The following NOS1AP variants were observed in gnomAD, a reference collection of about 807,000 sequenced individuals.
NOS1AP encodes carboxyl-terminal PDZ ligand of neuronal nitric oxide synthase protein.
A neutral mutation model predicts 56.2 loss-of-function variants in NOS1AP; 21 were observed. That is an observed-to-expected ratio of 0.37 (90% confidence interval 0.26 to 0.54). The LOEUF (loss-of-function observed/expected upper bound fraction) is 0.54, where lower values mean the gene tolerates loss of function less well. Ranked by LOEUF, NOS1AP falls within the 20% of genes least tolerant of loss-of-function variation. NOS1AP has a pLI of 0.84. For missense variants in NOS1AP, 522 were observed against 657.8 expected, an observed-to-expected ratio of 0.79 and a Z score of 2.26; for synonymous variants, 270 against 274.6, an observed-to-expected ratio of 0.98 and a Z score of 0.17.
At chr1:162,274,680 A>G (rs577625590) in intron 2 of NOS1AP, among the ~76,000 whole-genome samples, 1 of 152,210 alleles carries the variant, frequency 6.6e-6, no homozygotes, top group Non-Finnish European at 1.5e-5. Context: ...GTGTGTTTCA[A>G]TAGGCCCTGG....
At chr1:162,213,899 C>T (rs1056035997) in intron 2 of NOS1AP, among the ~76,000 whole-genome samples, 3 of 152,234 alleles carry the variant, frequency 2.0e-5, no homozygotes, top group Admixed American at 6.5e-5. Context: ...GAAGGAACCT[C>T]ATCCGCTAGA....
chr1:162,327,784 A>G lies in NOS1AP; in HGVS notation c.345-5233A>G, dbSNP rs568770068. Among the ~76,000 whole-genome samples, 3 of 152,358 alleles carry G rather than the reference A, an allele frequency of 2.0e-5. No individual in the cohort carries two copies. The East Asian group carries it at 5.8e-4, about 29-fold the overall frequency. ...TATCCAAATATACTCTGTGCTGTTC[A>G]GATCCCTCACAAATGAGTTCAGTTC... On this transcript the variant is annotated intron_variant, in intron 4 of 9. Coordinates refer to ENST00000361897, the MANE Select transcript of NOS1AP (RefSeq NM_014697.3).
chr1:162,328,407 T>A (rs1404135907), intron 4 of NOS1AP, among the ~76,000 whole-genome samples: 2 of 152,194 alleles, frequency 1.3e-5, no homozygotes, highest in African/African-American at 4.8e-5. Context: ...TGATATTGTT[T>A]CCATATATTA....
intron 1 of NOS1AP, among the ~76,000 whole-genome samples, chr1:162,073,800 G>T (rs1691712259): frequency 6.6e-6 from 1 of 152,218 alleles, no homozygotes; most frequent in South Asian, 2.1e-4. Context: ...TTCCCTTTGG[G>T]CTGAGAGCTG....
chr1:162,351,484 G>C (rs886283063), intron 6 of NOS1AP, among the ~76,000 whole-genome samples: 7 of 152,124 alleles, frequency 4.6e-5, no homozygotes, highest in Non-Finnish European at 8.8e-5. Context: ...TCACCATTCA[G>C]CAGCCCTGCT....
intron 3 of NOS1AP, 61 bp from the exon 4 acceptor site, chr1:162,300,572 C>T (rs1655616642): frequency 2.1e-6 from 3 of 1,399,458 alleles, no homozygotes; most frequent in African/African-American, 2.8e-5. Context: ...CATAAGTATG[C>T]ATAGCTCAGT....
intron 1 of NOS1AP, among the ~76,000 whole-genome samples, chr1:162,151,143 G>A (rs376035544): frequency 2.0e-5 from 3 of 152,158 alleles, no homozygotes; most frequent in African/African-American, 7.2e-5. Flanking sequence ...TTTGTATATG[G>A]TGAGAGATAG....
chr1:162,313,135 T>C (rs1656102933), intron 4 of NOS1AP, among the ~76,000 whole-genome samples: 1 of 152,186 alleles, frequency 6.6e-6, no homozygotes, highest in African/African-American at 2.4e-5. Context: ...ATTTCATGCC[T>C]CTATGTAGAA....
rs538897311 is a variant in NOS1AP at position 162,252,471 on chromosome 1, G to T, written c.178-34873G>T. On this transcript the variant is annotated intron_variant, in intron 2 of 9. Transcript: ENST00000361897. Reference sequence around the variant, plus strand: ...TCATGGATTGCATGTGCAAATTCAAGGGGAGGTAGTATGAAGCATGCAGTA... The same window carrying T: ...TCATGGATTGCATGTGCAAATTCAATGGGAGGTAGTATGAAGCATGCAGTA... Among the ~76,000 whole-genome samples the T allele has an allele frequency of 7.9e-5, 12 of 152,328 alleles. No individual in the cohort carries two copies. The South Asian group carries it at 2.5e-3, about 32-fold the overall frequency.
At chr1:162,141,769 T>C (rs1197165610) in intron 1 of NOS1AP, among the ~76,000 whole-genome samples, 1 of 152,280 alleles carries the variant, frequency 6.6e-6, no homozygotes, top group African/African-American at 2.4e-5. Context: ...ATCTGAAAAA[T>C]CATTGCAAAA....
intron 2 of NOS1AP, among the ~76,000 whole-genome samples, chr1:162,259,071 C>T (rs1312416776): frequency 6.6e-6 from 1 of 152,226 alleles, no homozygotes; most frequent in East Asian, 1.9e-4. Context: ...CTGCGGCCTC[C>T]AATAAGGTTG....
intron 2 of NOS1AP, among the ~76,000 whole-genome samples, chr1:162,191,287 T>G (rs1226329440): frequency 2.0e-5 from 3 of 152,200 alleles, no homozygotes; most frequent in African/African-American, 7.2e-5. Flanking sequence ...TCTGAGGATC[T>G]TCCTGCCCTG....
At chr1:162,085,570 C>T (rs1353109978) in intron 1 of NOS1AP, among the ~76,000 whole-genome samples, 3 of 152,158 alleles carry the variant, frequency 2.0e-5, no homozygotes, top group Non-Finnish European at 4.4e-5. Context: ...GGGTTTGTTG[C>T]ATTCTCCTTA....
In NOS1AP at chr1:162,075,221, G is replaced by A. The variant is rs1461000147; in HGVS notation, c.105+4939G>A. Among the ~76,000 whole-genome samples, 8 of 152,240 alleles carry A rather than the reference G, an allele frequency of 5.3e-5. No homozygotes were observed. In the South Asian group the frequency reaches 1.0e-3, roughly 20 times the overall value. On this transcript the variant is annotated intron_variant, in intron 1 of 9. Coordinates refer to ENST00000361897, the MANE Select transcript of NOS1AP (RefSeq NM_014697.3). ...TCCCCCTCCCAAGCCTCAACATCAG[G>A]TACAAACATAGTCACAATGAAAAAT...
Position 162,236,841 on chromosome 1 carries a change from C to T in NOS1AP, c.178-50503C>T, listed in dbSNP as rs1278761398. ...CTTCCTGGTCTGCATGCAGGCTGTACTTCCTCACTGACCTGTCTTCACCCT... is the reference window on the plus strand; with the variant it reads ...CTTCCTGGTCTGCATGCAGGCTGTATTTCCTCACTGACCTGTCTTCACCCT... On this transcript the variant is annotated intron_variant, in intron 2 of 9. Coordinates refer to ENST00000361897, the MANE Select transcript of NOS1AP (RefSeq NM_014697.3). Among the ~76,000 whole-genome samples the T allele has an allele frequency of 3.9e-5, 6 of 152,214 alleles. No homozygotes were observed. In the East Asian group the frequency reaches 1.2e-3, roughly 29 times the overall value.
intron 1 of NOS1AP, among the ~76,000 whole-genome samples, chr1:162,082,392 A>G (rs1047879827): frequency 1.3e-5 from 2 of 152,230 alleles, no homozygotes; most frequent in East Asian, 1.9e-4. Context: ...TAATGCTGCA[A>G]TGAACATACA....
At chr1:162,289,930 C>T (rs1655233940) in intron 3 of NOS1AP, among the ~76,000 whole-genome samples, 1 of 152,218 alleles carries the variant, frequency 6.6e-6, no homozygotes, top group Non-Finnish European at 1.5e-5. Context: ...CTCACTGTCT[C>T]TCCCATGTAC....
At chr1:162,100,661 G>T (rs1445842747) in intron 1 of NOS1AP, among the ~76,000 whole-genome samples, 1 of 151,608 alleles carries the variant, frequency 6.6e-6, no homozygotes, top group Non-Finnish European at 1.5e-5. Flanking sequence ...GTCAATTTCG[G>T]CTTTTGTTGC....
chr1:162,137,003 T>C (rs1571050266), intron 1 of NOS1AP, among the ~76,000 whole-genome samples: 1 of 152,322 alleles, frequency 6.6e-6, no homozygotes, highest in Non-Finnish European at 1.5e-5. Context: ...ATGAAGATTC[T>C]GAGATCCTCG....
Sources: allele counts gnomAD v4.1 joint callset (sites outside exome capture counted in the v4.1 genomes callset), GRCh38; gene constraint gnomAD v4.1.1; transcripts MANE v1.5; gene names NCBI Gene and HGNC (gene_info 2026-07-23, HGNC 2026-07-21).